UPRT: variants seen among roughly 807,000 people sequenced by gnomAD.
UPRT encodes the protein uracil phosphoribosyltransferase homolog.
In UPRT, 5 loss-of-function variants were observed where a neutral mutation model predicts 22.6. The observed-to-expected ratio is 0.22, with a 90% CI of 0.12 to 0.47. UPRT has a LOEUF of 0.47. Ranked by LOEUF, UPRT falls within the 20% of genes least tolerant of loss-of-function variation. The pLI, the probability that UPRT is intolerant of heterozygous loss-of-function variation, is 0.99. For synonymous variants in UPRT, 77 were observed against 87.7 expected, an observed-to-expected ratio of 0.88 and a Z score of 0.68; for missense variants, 181 against 239.9, an observed-to-expected ratio of 0.75 and a Z score of 1.62.
chrX:75,156,897 T>TCACA (rs1491422114), intron 1 of UPRT, among the ~76,000 whole-genome samples: 6 of 41,926 alleles, frequency 1.4e-4, no homozygotes, highest in Admixed American at 4.8e-4. Context: ...CGTGGGACAG[T>TCACA]CTCACACACA....
At chrX:75,263,551 G>C (rs2082576199) in intron 4 of UPRT, among the ~76,000 whole-genome samples, 1 of 111,474 alleles carries the variant, frequency 9.0e-6, no homozygotes, top group African/African-American at 3.3e-5. Context: ...TATTTCTGTG[G>C]GATCGGTGGT....
At position 75,256,289 on chromosome X, in the gene UPRT, T is replaced by G. The variant is rs1269414105; in HGVS notation, c.-446-34735T>G. ...CATTGGGTCAAAAATGAAATCAAGATGGAAATTAAAAAATTCTTCAAACTG... is the reference window on the plus strand; with the variant it reads ...CATTGGGTCAAAAATGAAATCAAGAGGGAAATTAAAAAATTCTTCAAACTG... On this transcript the variant is annotated intron_variant, in intron 4 of 13. Coordinates refer to the UPRT transcript ENST00000652605. 2.7e-5 allele frequency among the ~76,000 whole-genome samples: 3 copies of G among 112,025 alleles called. No individual in the cohort carries two copies. The Admixed American group carries it at 2.9e-4, about 11-fold the overall frequency.
intron 4 of UPRT, among the ~76,000 whole-genome samples, chrX:75,252,508 G>A (rs901024701): frequency 1.8e-5 from 2 of 112,375 alleles, no homozygotes; most frequent in Non-Finnish European, 3.8e-5. Context: ...TCTCACACCA[G>A]TTAGAATGGC....
At chrX:75,223,302 T>G (rs2082415225) in intron 4 of UPRT, among the ~76,000 whole-genome samples, 1 of 109,900 alleles carries the variant, frequency 9.1e-6, no homozygotes, top group South Asian at 3.9e-4. Flanking sequence ...GCTGGCTGTC[T>G]GGTGTTGGGG....
intron 1 of UPRT, chrX:75,285,321 C>A (rs1206638373): frequency 9.0e-6 from 1 of 111,537 alleles, no homozygotes; most frequent in Non-Finnish European, 1.9e-5. Flanking sequence ...CTTCTTGCCC[C>A]ATTGAAATTG....
At chrX:75,266,797 CA>C (rs776293962) in intron 4 of UPRT, among the ~76,000 whole-genome samples, 131 of 111,511 alleles carry the variant, frequency 1.2e-3, no homozygotes, top group South Asian at 5.0e-3. Context: ...AGACACTTCT[CA>C]AAAGAAGACA....
intron 4 of UPRT, among the ~76,000 whole-genome samples, chrX:75,176,411 A>T (rs1184969512): frequency 1.8e-5 from 2 of 111,698 alleles, no homozygotes; most frequent in Non-Finnish European, 3.8e-5. Context: ...CAGTAGCATG[A>T]CGTCTCTCCA....
At chrX:75,215,180 A>T (rs949576407) in intron 4 of UPRT, among the ~76,000 whole-genome samples, 1 of 111,740 alleles carries the variant, frequency 8.9e-6, no homozygotes, top group Non-Finnish European at 1.9e-5. Flanking sequence ...TTGAAAATGA[A>T]ATGACAGCTG....
intron 6 of UPRT, 122 bp from the exon 7 acceptor site, chrX:75,303,283 C>A: frequency 2.0e-6 from 1 of 504,430 alleles, no homozygotes; most frequent in Non-Finnish European, 3.4e-6. Flanking sequence ...GATTAGGTAT[C>A]CAAAGATCAT....
chrX:75,252,527 A>C (rs1007985732), intron 4 of UPRT, among the ~76,000 whole-genome samples: 3 of 112,386 alleles, frequency 2.7e-5, no homozygotes, highest in African/African-American at 6.5e-5. Flanking sequence ...GCGATCATTA[A>C]AAAGTCAAGA....
intron 4 of UPRT, among the ~76,000 whole-genome samples, chrX:75,186,898 T>C (rs1243569808): frequency 4.6e-5 from 5 of 109,844 alleles, no homozygotes; most frequent in African/African-American, 9.9e-5. Context: ...CATCCCTTTA[T>C]TTTGAGCCTA....
intron 4 of UPRT, among the ~76,000 whole-genome samples, chrX:75,192,901 G>T (rs2147619285): frequency 8.9e-6 from 1 of 111,732 alleles, no homozygotes; most frequent in African/African-American, 3.3e-5. Flanking sequence ...ATTGTGTTTT[G>T]CTTCATTATC....
At chrX:75,245,281 AAG>A (rs1555971474) in intron 4 of UPRT, among the ~76,000 whole-genome samples, 29 of 106,185 alleles carry the variant, frequency 2.7e-4, no homozygotes, top group African/African-American at 1.0e-3. Context: ...AAAAAAAAAA[AAG>A]AAAAGGAAAA....
At chrX:75,251,583 A>C (rs1294924763) in intron 4 of UPRT, among the ~76,000 whole-genome samples, 2 of 111,874 alleles carry the variant, frequency 1.8e-5, no homozygotes, top group South Asian at 3.7e-4. Context: ...AAATGGAAGA[A>C]CATTCCATGC....
At chrX:75,270,123 A>T (rs2082603710), upstream of UPRT, among the ~76,000 whole-genome samples, 1 of 112,143 alleles carries the variant, frequency 8.9e-6, no homozygotes, top group Non-Finnish European at 1.9e-5. Context: ...TCCAAAGAAA[A>T]CATTTATGCA....
intron 4 of UPRT, among the ~76,000 whole-genome samples, chrX:75,267,319 C>T (rs1011622592): frequency 1.8e-5 from 2 of 111,540 alleles, no homozygotes; most frequent in Admixed American, 1.9e-4. Context: ...AGCAAACTAT[C>T]ACAAGGACAC....
intron 4 of UPRT, among the ~76,000 whole-genome samples, chrX:75,207,844 G>A (rs2082371052): frequency 8.9e-6 from 1 of 111,907 alleles, no homozygotes; most frequent in South Asian, 3.8e-4. Flanking sequence ...ATGTTTGGCA[G>A]AGTAGTCCAA....
chrX:75,266,150 C>G (rs773900502), intron 4 of UPRT, among the ~76,000 whole-genome samples: 40 of 111,287 alleles, frequency 3.6e-4, no homozygotes, highest in African/African-American at 1.1e-3. Context: ...TAATCCAAAA[C>G]AACAAAGCTG....
At chrX:75,247,917 AT>A (rs1224565942) in intron 4 of UPRT, among the ~76,000 whole-genome samples, 1 of 111,912 alleles carries the variant, frequency 8.9e-6, no homozygotes, top group Non-Finnish European at 1.9e-5. Context: ...TGGTTCACCA[AT>A]ATCCGCTGTT....
Sources: allele counts gnomAD v4.1 joint callset (sites outside exome capture counted in the v4.1 genomes callset), GRCh38; gene constraint gnomAD v4.1.1; transcripts MANE v1.5; gene names NCBI Gene and HGNC (gene_info 2026-07-23, HGNC 2026-07-21).